AKAP13: variants seen among roughly 807,000 people sequenced by gnomAD.
The protein encoded by AKAP13 is A-kinase anchoring protein 13.
Under a neutral mutation model 264.5 loss-of-function variants are expected in AKAP13, and 80 were observed. The ratio of observed to expected loss-of-function variants is 0.30; its 90% CI spans 0.25 to 0.36. AKAP13 has a LOEUF of 0.36. Among genes scored for constraint, AKAP13 ranks in the 10% least tolerant of loss-of-function variants. The pLI is 1.00. For synonymous variants in AKAP13, 1,380 were observed against 1,250.2 expected, an observed-to-expected ratio of 1.10 and a Z score of -2.19; for missense variants, 3,712 against 3,435.2, an observed-to-expected ratio of 1.08 and a Z score of -2.01.
intron 19 of AKAP13, among the ~76,000 whole-genome samples, chr15:85,711,859 G>T (rs1178490688): frequency 1.3e-5 from 2 of 152,140 alleles, no homozygotes; most frequent in Non-Finnish European, 2.9e-5. Flanking sequence ...TAGAGACAGG[G>T]TCTTGCTTTG....
intron 1 of AKAP13, among the ~76,000 whole-genome samples, chr15:85,401,070 C>A (rs11074203): frequency 0.54 from 81,232 of 151,486 alleles, 22,535 homozygotes; most frequent in African/African-American, 0.64. Context: ...CCATGTTCGT[C>A]AAGCTGATCT....
chr15:85,685,048 G>A, intron 16 of AKAP13, 175 bp downstream of exon 16: 1 of 753,262 alleles, frequency 1.3e-6, no homozygotes, highest in African/African-American at 1.8e-5. Flanking sequence ...AGCAAGAAGT[G>A]GAACTACCAG....
At chr15:85,504,992 G>T (rs1333624347) in intron 2 of AKAP13, among the ~76,000 whole-genome samples, 1 of 151,992 alleles carries the variant, frequency 6.6e-6, no homozygotes, top group African/African-American at 2.4e-5. Flanking sequence ...GTGCGCACAT[G>T]TGTTTGAAAG....
chr15:85,415,532 G>A lies in AKAP13; in HGVS notation c.-12+34734G>A, dbSNP rs2150883238. The stretch of plus-strand genomic sequence containing the variant: ...TGGTTCAACATCAGGAGTGGGATGG[G>A]AAGGAAAACACAATAAGAAGAAAAT... On this transcript the variant is annotated intron_variant, in intron 1 of 36. Coordinates refer to ENST00000394518, the MANE Select transcript of AKAP13 (RefSeq NM_007200.5). 2.7e-6 allele frequency: 4 copies of A among 1,494,592 alleles called. No individual in the cohort carries two copies. The East Asian group carries it at 6.8e-5, about 25-fold the overall frequency. 92.6% of individuals were successfully genotyped at this position (1,494,592 alleles called of 1,614,324 possible).
intron 1 of AKAP13, among the ~76,000 whole-genome samples, chr15:85,381,366 C>G (rs2070248156): frequency 6.6e-6 from 1 of 151,916 alleles, no homozygotes; most frequent in Non-Finnish European, 1.5e-5. Context: ...GGGGTGCGGC[C>G]CAGCTGACCC....
chr15:85,633,186 T>G (rs1216333334), intron 8 of AKAP13, among the ~76,000 whole-genome samples: 1 of 152,064 alleles, frequency 6.6e-6, no homozygotes, highest in East Asian at 1.9e-4. Context: ...TTTAATAGGG[T>G]TTTCTAAACT....
rs2089402375 is a variant in AKAP13 at position 85,747,415 on chromosome 15, A to G, written c.*2738A>G. On this transcript the variant is annotated 3_prime_UTR_variant, in exon 37 of 37. Transcript: ENST00000394518. Reference sequence around the variant, plus strand: ...GTTTTTTTGGGGTGACTCGGACTGAATTCCCCATACTGTTTCCACGCCGGG... The same window carrying G: ...GTTTTTTTGGGGTGACTCGGACTGAGTTCCCCATACTGTTTCCACGCCGGG... 2.0e-5 allele frequency: 3 copies of G among 152,338 alleles called. No individual in the cohort carries two copies. Among genetic ancestry groups the G allele is most frequent in the Non-Finnish European group, 4.4e-5 (3 of 68,038 alleles). 9.4% of individuals were successfully genotyped at this position (152,338 alleles called of 1,614,324 possible). A position where few individuals can be genotyped will look rare whatever the true frequency, so the allele number is the denominator to read the frequency against.
At chr15:85,406,495 CAT>C (rs2071673951) in intron 1 of AKAP13, among the ~76,000 whole-genome samples, 1 of 149,404 alleles carries the variant, frequency 6.7e-6, no homozygotes, top group South Asian at 2.1e-4. Context: ...TTGCTGGACA[CAT>C]ATGTGTCCAG....
At chr15:85,678,458 T>G (rs1250224588) in intron 14 of AKAP13, among the ~76,000 whole-genome samples, 1 of 152,224 alleles carries the variant, frequency 6.6e-6, no homozygotes, top group Non-Finnish European at 1.5e-5. Context: ...TAAAAGATGT[T>G]TGAAAAATAG....
intron 3 of AKAP13, among the ~76,000 whole-genome samples, chr15:85,527,047 T>C (rs1033148276): frequency 1.3e-5 from 2 of 151,660 alleles, no homozygotes; most frequent in Non-Finnish European, 1.5e-5. Flanking sequence ...CTCCGCCTCC[T>C]GGGTTCAGGC....
intron 8 of AKAP13, among the ~76,000 whole-genome samples, chr15:85,601,608 T>TGTGTGTGTGTGTGTGTG (rs2080075703): frequency 3.8e-4 from 50 of 132,082 alleles, no homozygotes; most frequent in Admixed American, 7.8e-4. Flanking sequence ...CCTGAATTCT[T>TGTGTGTGTGTGTGTGTG]TGTGTGTGTG....
chr15:85,500,012 AGGG>A (rs2075999670), intron 2 of AKAP13, among the ~76,000 whole-genome samples: 1 of 152,184 alleles, frequency 6.6e-6, no homozygotes, highest in African/African-American at 2.4e-5. Context: ...TCTTTGGGAA[AGGG>A]TGTTGCCTCA....
chr15:85,454,958 T>A (rs1245645654), intron 1 of AKAP13, among the ~76,000 whole-genome samples: 1 of 152,178 alleles, frequency 6.6e-6, no homozygotes, highest in African/African-American at 2.4e-5. Context: ...CACAATTCCT[T>A]TCTGTGTATG....
At chr15:85,494,865 G>C (rs760105894) in intron 2 of AKAP13, among the ~76,000 whole-genome samples, 1 of 151,886 alleles carries the variant, frequency 6.6e-6, no homozygotes, top group Non-Finnish European at 1.5e-5. Flanking sequence ...GGCTAAGTAA[G>C]AGAAAAAAAT....
intron 20 of AKAP13, 79 bp downstream of exon 20, chr15:85,716,002 CT>C (rs71141478): frequency 0.11 from 138,177 of 1,203,664 alleles, no homozygotes; most frequent in South Asian, 0.17. Context: ...TGACAAAAAG[CT>C]TTTTTTTTTT....
chr15:85,589,053 C>T (rs1056274840), intron 8 of AKAP13, among the ~76,000 whole-genome samples: 1 of 152,150 alleles, frequency 6.6e-6, no homozygotes, highest in African/African-American at 2.4e-5. Flanking sequence ...TCACAGCATT[C>T]TTATAATGAT....
intron 1 of AKAP13, among the ~76,000 whole-genome samples, chr15:85,441,116 C>T (rs1051117106): frequency 1.3e-5 from 2 of 152,030 alleles, no homozygotes; most frequent in Non-Finnish European, 2.9e-5. Flanking sequence ...CACTGTTTTC[C>T]AAAGTGGCTA....
intron 2 of AKAP13, among the ~76,000 whole-genome samples, chr15:85,517,044 G>C (rs2076630320): frequency 6.6e-6 from 1 of 152,186 alleles, no homozygotes; most frequent in Non-Finnish European, 1.5e-5. Flanking sequence ...CAGCTGTCTT[G>C]CAGAATTCCT....
intron 29 of AKAP13, among the ~76,000 whole-genome samples, chr15:85,728,172 C>G (rs2087734652): frequency 6.6e-6 from 1 of 152,220 alleles, no homozygotes; most frequent in African/African-American, 2.4e-5. Flanking sequence ...ATTCTATTCC[C>G]TGTCTTAGCA....
Sources: gnomAD v4.1 joint callset for allele counts (sites outside exome capture counted in the v4.1 genomes callset) on GRCh38, gnomAD v4.1.1 for gene constraint, MANE v1.5 for transcripts, NCBI Gene and HGNC (gene_info 2026-07-23, HGNC 2026-07-21) for gene names.